The following FAM120B variants were observed in gnomAD, a reference collection of about 807,000 sequenced individuals.
The protein encoded by FAM120B is constitutive coactivator of peroxisome proliferator-activated receptor gamma.
In FAM120B, 83 loss-of-function variants were observed where a neutral mutation model predicts 96.3. The ratio of observed to expected loss-of-function variants is 0.86; its 90% CI spans 0.72 to 1.03. The LOEUF (loss-of-function observed/expected upper bound fraction) is 1.03, where lower values mean the gene tolerates loss of function less well. FAM120B is among the 50% of genes least tolerant of loss of function. The pLI is 0.00. For synonymous variants in FAM120B, 407 were observed against 402.7 expected (o/e 1.01, Z -0.13); for missense variants, 1,027 against 1,121.2 (o/e 0.92, Z 1.20).
Position 170,296,603 on chromosome 6 carries a change from G to C in FAM120B, c.48+1150G>C, listed in dbSNP as rs550451045. ...CCGGCCCCGGGCTGTGCGAGGCGACGGCGCACACCTCGGAGCCCTGGGGGC... is the reference window on the plus strand; with the variant it reads ...CCGGCCCCGGGCTGTGCGAGGCGACCGCGCACACCTCGGAGCCCTGGGGGC... On this transcript the variant is annotated intron_variant, in intron 1 of 10. Transcript: ENST00000537664. 7.2e-5 allele frequency among the ~76,000 whole-genome samples: 11 copies of C among 151,892 alleles called. No homozygotes were observed. In the East Asian group the frequency reaches 2.1e-3, roughly 30 times the overall value.
chr6:170,342,184 G>GT (rs1037425099), intron 4 of FAM120B, among the ~76,000 whole-genome samples: 22 of 151,596 alleles, frequency 1.5e-4, no homozygotes, highest in Admixed American at 2.0e-4. Context: ...TTTGTTTTTT[G>GT]TTTTTTTTCC....
chr6:170,354,565 A>G (rs1787775887), intron 5 of FAM120B, among the ~76,000 whole-genome samples: 1 of 152,168 alleles, frequency 6.6e-6, no homozygotes, highest in Non-Finnish European at 1.5e-5. Context: ...CAGATTTACA[A>G]GAAAAAAAGC....
At chr6:170,293,128 C>T (rs527853637), upstream of FAM120B, among the ~76,000 whole-genome samples, 3 of 152,144 alleles carry the variant, frequency 2.0e-5, no homozygotes, top group East Asian at 3.9e-4. Flanking sequence ...AAGCTGACTT[C>T]GGAGCATTCT....
chr6:170,314,888 A>G (rs1784803354), intron 1 of FAM120B, among the ~76,000 whole-genome samples: 1 of 152,234 alleles, frequency 6.6e-6, no homozygotes, highest in Non-Finnish European at 1.5e-5. Context: ...AGAAGAGCAC[A>G]TTGTAATGTC....
Position 170,295,603 on chromosome 6 carries a change from C to T in FAM120B, c.48+150C>T. On this transcript the variant is annotated intron_variant, in intron 1 of 10. Coordinates refer to the FAM120B transcript ENST00000537664. The surrounding 1 kb of genome is among the most constrained non-coding windows in gnomAD (Gnocchi z 7.8). ...GAACAGCAGCCGGGGGCGAAGGAAT[C>T]AGCCCCGCAGCGGCTCCTAAGCCTC... The T allele has an allele frequency of 1.8e-6, 1 of 541,388 alleles. No individual in the cohort carries two copies. The highest frequency in any genetic ancestry group is 3.2e-6 in the Non-Finnish European group (1 of 310,068). The allele number at this position is 541,388 out of a possible 1,614,324, so 33.5% of individuals were successfully genotyped here.
In FAM120B at chr6:170,295,462, C is replaced by G. The variant is rs1184380854; in HGVS notation, c.48+9C>G. On this transcript the variant is annotated intron_variant, in intron 1 of 10. Transcript: ENST00000537664. This position sits in a 1 kb window ranked among gnomAD's most constrained non-coding sequence, Gnocchi z 7.8. ...GCGCAGGCAGGAAGGAGGTGAGCGC[C>G]GCCCGCGTGCACACAAGGCGCGCGG... 1 of 700,180 alleles carries G rather than the reference C, an allele frequency of 1.4e-6. No homozygotes were observed. The highest frequency in any genetic ancestry group is 2.6e-6 in the Non-Finnish European group (1 of 383,886). The allele number at this position is 700,180 out of a possible 1,614,324, so 43.4% of individuals were successfully genotyped here. A position where few individuals can be genotyped will look rare whatever the true frequency, so the allele number is the denominator to read the frequency against.
At chr6:170,389,706 C>T (rs867914578) in intron 7 of FAM120B, among the ~76,000 whole-genome samples, 69 of 152,054 alleles carry the variant, frequency 4.5e-4, no homozygotes, top group Middle Eastern at 6.8e-3. Flanking sequence ...ACTGCAGGCG[C>T]GCATCACCAT....
intron 6 of FAM120B, among the ~76,000 whole-genome samples, chr6:170,368,033 A>G (rs1046782014): frequency 6.6e-6 from 1 of 152,208 alleles, no homozygotes; most frequent in Non-Finnish European, 1.5e-5. Flanking sequence ...TGACATAATA[A>G]TTGTGCATAT....
At position 170,318,249 on chromosome 6, in the gene FAM120B, A is replaced by ATAT; in HGVS notation, c.862_864dup (p.Leu288dup). On this transcript the variant is annotated inframe_insertion, in exon 2 of 11. Coordinates refer to ENST00000476287, the MANE Select transcript of FAM120B (RefSeq NM_032448.3). ...TCAAGGTGAGAAAAAATTAGAAGAG[A>ATAT]TATTACCTCTGGGACCAAACAAAGC... 1 of 1,613,990 alleles carries ATAT rather than the reference A, an allele frequency of 6.2e-7. No individual in the cohort carries two copies. Among genetic ancestry groups the ATAT allele is most frequent in the South Asian group, 1.1e-5 (1 of 91,050 alleles).
intron 6 of FAM120B, among the ~76,000 whole-genome samples, chr6:170,376,185 G>A (rs180893802): frequency 3.7e-4 from 56 of 152,140 alleles, no homozygotes; most frequent in African/African-American, 1.3e-3. Context: ...TCTCTAGTTC[G>A]GGTCTCTAAG....
At chr6:170,329,592 G>A (rs1011216053) in intron 3 of FAM120B, among the ~76,000 whole-genome samples, 3 of 151,406 alleles carry the variant, frequency 2.0e-5, no homozygotes, top group Non-Finnish European at 4.4e-5. Flanking sequence ...CTTTTTTACC[G>A]ACTTTTTTTT....
intron 1 of FAM120B, among the ~76,000 whole-genome samples, chr6:170,315,966 A>G (rs1394231842): frequency 6.7e-6 from 1 of 149,334 alleles, no homozygotes; most frequent in Admixed American, 6.8e-5. Flanking sequence ...AGCTAAGACA[A>G]GAGGATCGCT....
At position 170,391,106 on chromosome 6, in the gene FAM120B, G is replaced by A. The variant is rs745396828; in HGVS notation, c.2584G>A (p.Gly862Ser). 1.2e-6 allele frequency: 2 copies of A among 1,613,902 alleles called. No homozygotes were observed. Among genetic ancestry groups the A allele is most frequent in the Non-Finnish European group, 8.5e-7 (1 of 1,179,806 alleles). The part of the protein sequence containing the change: ...NRRITGRAHW[G>S]SHHAGRWGRQ... ...ACGCATCACTGGCCGAGCCCACTGG[G>A]GCTCACACCACGCAGGTGGGAAAGG... The change falls in exon 8 of 11, where the codon GGC becomes AGC. Residue 862 changes from glycine to serine, a missense_variant. By Grantham distance (56) the Gly-to-Ser change is moderately conservative (BLOSUM62 0). Around this residue, in one of 3 missense-constraint regions of FAM120B, gnomAD observed 142 missense variants for 122.5 expected, o/e 1.16. Coordinates refer to ENST00000476287, the MANE Select transcript of FAM120B (RefSeq NM_032448.3).
At chr6:170,299,164 G>A (rs1430284390) in intron 1 of FAM120B, among the ~76,000 whole-genome samples, 3 of 152,164 alleles carry the variant, frequency 2.0e-5, no homozygotes, top group African/African-American at 7.2e-5. Flanking sequence ...TTAGCACCTG[G>A]CCTTTTCTTT....
At chr6:170,330,366 C>A in intron 3 of FAM120B, 83 bp from the exon 4 acceptor site, 2 of 1,046,090 alleles carry the variant, frequency 1.9e-6, no homozygotes, top group Non-Finnish European at 1.4e-6. Flanking sequence ...GAATTGGCCA[C>A]CTGGGCAGAG....
At chr6:170,376,692 G>A (rs1789541061) in intron 6 of FAM120B, among the ~76,000 whole-genome samples, 1 of 152,220 alleles carries the variant, frequency 6.6e-6, no homozygotes, top group Non-Finnish European at 1.5e-5. Flanking sequence ...TTACGGATGA[G>A]TGGTGAGGCA....
rs1037212177 is a variant in FAM120B, at chr6:170,370,143, A to G, written c.2283+11825A>G. Among the ~76,000 whole-genome samples the G allele has an allele frequency of 4.6e-5, 7 of 152,188 alleles. No homozygotes were observed. Among genetic ancestry groups the G allele is most frequent in the African/African-American group, 1.7e-4 (7 of 41,442 alleles). ...TTGCAGAGGTGAGACGGAGACTCTC[A>G]GTTGCCCTTGAGCTTTCCTGGCCCT... On this transcript the variant is annotated intron_variant, in intron 6 of 10. Transcript: ENST00000476287. The surrounding 1 kb of genome is among the most constrained non-coding windows in gnomAD (Gnocchi z 4.3).
rs564808171 is a variant in FAM120B, at chr6:170,311,643, C to A, written c.-22+4801C>A. On this transcript the variant is annotated intron_variant, in intron 1 of 10. Coordinates refer to ENST00000476287, the MANE Select transcript of FAM120B (RefSeq NM_032448.3). ...TGCTGAAAATTCCCCAGCACTCTTACCTTCTCTGTCCTACACTCGTGTCCA... is the reference window on the plus strand; with the variant it reads ...TGCTGAAAATTCCCCAGCACTCTTAACTTCTCTGTCCTACACTCGTGTCCA... Among the ~76,000 whole-genome samples, 4 of 152,296 alleles carry A rather than the reference C, an allele frequency of 2.6e-5. No homozygotes were observed. The South Asian group carries it at 8.3e-4, about 32-fold the overall frequency.
chr6:170,294,842 C>G (rs1298775713), upstream of FAM120B, among the ~76,000 whole-genome samples: 1 of 152,136 alleles, frequency 6.6e-6, no homozygotes, highest in Non-Finnish European at 1.5e-5. This position sits in a 1 kb window ranked among gnomAD's most constrained non-coding sequence, Gnocchi z 7.9. Context: ...TTTCTCAGAC[C>G]AACTGAATAC....
Sources: gnomAD v4.1 joint callset for allele counts (sites outside exome capture counted in the v4.1 genomes callset) on GRCh38, gnomAD v4.1.1 for gene constraint, gnomAD v4.1.1 regional missense constraint, Gnocchi (gnomAD v3.1) non-coding constraint, MANE v1.5 for transcripts, NCBI Gene and HGNC (gene_info 2026-07-23, HGNC 2026-07-21) for gene names.